Variants in PRKCZ observed in about 807,000 individuals in gnomAD.
The protein encoded by PRKCZ is protein kinase C zeta type.
In PRKCZ, 33 loss-of-function variants were observed where a neutral mutation model predicts 79.5. The observed-to-expected ratio is 0.41, with a 90% CI of 0.31 to 0.55. The LOEUF (loss-of-function observed/expected upper bound fraction) is 0.55. Ranked by LOEUF, PRKCZ falls within the 20% of genes least tolerant of loss-of-function variation. PRKCZ has a pLI of 0.19. For missense variants in PRKCZ, 578 were observed against 813.5 expected (o/e 0.71, Z 3.52); for synonymous variants, 342 against 320.9 (o/e 1.07, Z -0.70).
intron 4 of PRKCZ, among the ~76,000 whole-genome samples, chr1:2,085,297 A>G (rs1481528151): frequency 1.3e-5 from 2 of 152,210 alleles, no homozygotes; most frequent in African/African-American, 4.8e-5. Context: ...AGCACACAGA[A>G]GGTCCCGGAG....
intron 10 of PRKCZ, among the ~76,000 whole-genome samples, chr1:2,166,973 G>T (rs576983781): frequency 6.0e-4 from 92 of 152,364 alleles, no homozygotes; most frequent in Non-Finnish European, 9.8e-4. Context: ...GCTCAGCCAT[G>T]GTCCCAGGCA....
chr1:2,092,602 T>G (rs917172946), intron 4 of PRKCZ, among the ~76,000 whole-genome samples: 5 of 152,090 alleles, frequency 3.3e-5, no homozygotes, highest in African/African-American at 1.2e-4. Context: ...TTGTTTAAGG[T>G]ATAAATTCAT....
At chr1:2,139,575 C>T (rs1676903618) in intron 5 of PRKCZ, among the ~76,000 whole-genome samples, 1 of 152,128 alleles carries the variant, frequency 6.6e-6, no homozygotes, top group South Asian at 2.1e-4. Context: ...GGCGACAGAG[C>T]AGGACTCTGT....
At chr1:2,113,433 G>C (rs181363506) in intron 4 of PRKCZ, among the ~76,000 whole-genome samples, 4 of 152,126 alleles carry the variant, frequency 2.6e-5, no homozygotes, top group Admixed American at 2.6e-4. Flanking sequence ...TTTTCTGCCC[G>C]AGTTCGCTCC....
chr1:2,179,745 G>A (rs1686174745), intron 16 of PRKCZ, among the ~76,000 whole-genome samples: 1 of 152,224 alleles, frequency 6.6e-6, no homozygotes, highest in African/African-American at 2.4e-5. Flanking sequence ...CGGGCCCAGG[G>A]CTGCTGGTGG....
intron 4 of PRKCZ, among the ~76,000 whole-genome samples, chr1:2,130,699 GC>G (rs1674785485): frequency 6.6e-6 from 1 of 151,660 alleles, no homozygotes; most frequent in South Asian, 2.1e-4. Flanking sequence ...CTTGGGTGAG[GC>G]CCACCTGCAT....
Position 2,151,064 on chromosome 1 carries a change from C to T in PRKCZ, c.876+86C>T, listed in dbSNP as rs1679805170. 3.5e-6 allele frequency: 5 copies of T among 1,442,686 alleles called. No individual in the cohort carries two copies. The Admixed American group carries it at 1.1e-4, about 32-fold the overall frequency. 89.4% of individuals were successfully genotyped at this position (1,442,686 alleles called of 1,614,324 possible). On this transcript the variant is annotated intron_variant, in intron 9 of 17. Coordinates refer to ENST00000378567, the MANE Select transcript of PRKCZ (RefSeq NM_002744.6). ...CGGGCTTTAGCGGAATTAATCCATG[C>T]ACGAGAGACCTAGCCTCACGTTGAC... is the stretch of plus-strand genomic sequence containing the variant.
chr1:2,084,042 GC>G (rs1664058935), intron 4 of PRKCZ, among the ~76,000 whole-genome samples: 1 of 152,160 alleles, frequency 6.6e-6, no homozygotes, highest in Non-Finnish European at 1.5e-5. Flanking sequence ...GACCAGCCTG[GC>G]CAATGTGATG....
chr1:2,133,659 C>T (rs1343274555), intron 4 of PRKCZ: 1 of 153,324 alleles, frequency 6.5e-6, no homozygotes, highest in African/African-American at 2.4e-5. Context: ...GGTTCCGCCC[C>T]CGGCTGCGCG....
In PRKCZ at chr1:2,149,318, C is replaced by T. The variant is rs1218896765; in HGVS notation, c.687+394C>T. ...CCATCCTGGCAAACCCTCTGAAGCC[C>T]TTTCATGTCCTTCCCCAACTTGAGC... On this transcript the variant is annotated intron_variant, in intron 8 of 17. Transcript: ENST00000378567. The surrounding 1 kb of genome is among the most constrained non-coding windows in gnomAD (Gnocchi z 4.1). 6.6e-6 allele frequency among the ~76,000 whole-genome samples: 1 copy of T among 152,238 alleles called. No individual in the cohort carries two copies. The highest frequency in any genetic ancestry group is 1.5e-5 in the Non-Finnish European group (1 of 68,032).
intron 4 of PRKCZ, among the ~76,000 whole-genome samples, chr1:2,104,130 C>CT (rs1383783764): frequency 6.6e-6 from 1 of 151,894 alleles, no homozygotes; most frequent in Non-Finnish European, 1.5e-5. Flanking sequence ...AGGAGACTGT[C>CT]TCGGTTTCCG....
rs1196241134 is a variant in PRKCZ at position 2,179,563 on chromosome 1, CCTG to C, written c.1575+4255_1575+4257del. On this transcript the variant is annotated intron_variant, in intron 16 of 17. Transcript: ENST00000378567. ...TGGTGAGTTAACAGCTGAGCCACCA[CCTG>C]CTGCCCAACCCCACGTGTCCCACAT... 5.9e-5 allele frequency among the ~76,000 whole-genome samples: 9 copies of C among 152,370 alleles called. No individual in the cohort carries two copies. In the Middle Eastern group the frequency reaches 0.01, roughly 173 times the overall value.
upstream of PRKCZ, chr1:2,049,461 G>GGC (rs1659468676): frequency 6.6e-6 from 1 of 152,442 alleles, no homozygotes; most frequent in South Asian, 2.1e-4. Context: ...GGAGGCGCCA[G>GGC]GCACGACCTG....
In PRKCZ at chr1:2,125,903, C is replaced by T. The variant is rs923660983; in HGVS notation, c.335-9359C>T. Among the ~76,000 whole-genome samples the T allele has an allele frequency of 6.6e-6, 1 of 152,174 alleles. No individual in the cohort carries two copies. The highest frequency in any genetic ancestry group is 2.4e-5 in the African/African-American group (1 of 41,446). On this transcript the variant is annotated intron_variant, in intron 4 of 17. Coordinates refer to ENST00000378567, the MANE Select transcript of PRKCZ (RefSeq NM_002744.6). The surrounding 1 kb of genome is among the most constrained non-coding windows in gnomAD (Gnocchi z 4.2). ...TCGCCAACATGCAGCACTTCCCTTC[C>T]TTTCCATGGAGCACGGTTCCTGTCC...
At chr1:2,064,989 G>A (rs140763042) in intron 4 of PRKCZ, among the ~76,000 whole-genome samples, 142 of 152,332 alleles carry the variant, frequency 9.3e-4, no homozygotes, top group African/African-American at 3.3e-3. Flanking sequence ...GAACTGAAGT[G>A]TGTTTCTGTT....
At chr1:2,084,179 G>A (rs958271457) in intron 4 of PRKCZ, among the ~76,000 whole-genome samples, 1 of 152,234 alleles carries the variant, frequency 6.6e-6, no homozygotes, top group Admixed American at 6.5e-5. Flanking sequence ...GGCGGAGGTT[G>A]CGGTGAGCCA....
At position 2,082,378 on chromosome 1, in the gene PRKCZ, G is replaced by A. The variant is rs973786227; in HGVS notation, c.334+22787G>A. On this transcript the variant is annotated intron_variant, in intron 4 of 17. Coordinates refer to ENST00000378567, the MANE Select transcript of PRKCZ (RefSeq NM_002744.6). This position sits in a 1 kb window ranked among gnomAD's most constrained non-coding sequence, Gnocchi z 4.4. ...CGGCTACCCGGCTGCCGTAGACAGAGTGAAGTCTGGTAGTTTGTGTTTATT... is the reference window on the plus strand; with the variant it reads ...CGGCTACCCGGCTGCCGTAGACAGAATGAAGTCTGGTAGTTTGTGTTTATT... The A allele has an allele frequency of 6.6e-6, 3 of 456,234 alleles. No homozygotes were observed. The highest frequency in any genetic ancestry group is 6.0e-5 in the African/African-American group (3 of 50,098). The allele number at this position is 456,234 out of a possible 1,614,324, so 28.3% of individuals were successfully genotyped here.
rs544844939 is a variant in PRKCZ at position 2,174,148 on chromosome 1, C to T, written c.1405+132C>T. 1,331 of 1,238,696 alleles carry T rather than the reference C, an allele frequency of 1.1e-3. 16 individuals are homozygous for T. The South Asian group carries it at 0.013, about 12-fold the overall frequency. 76.7% of individuals were successfully genotyped at this position (1,238,696 alleles called of 1,614,324 possible). ...ATGCAAAGCGTACCGGGAACCATTC[C>T]TCCTGGCCAGACCCTGTGTCACATG... On this transcript the variant is annotated intron_variant, in intron 14 of 17. Coordinates refer to ENST00000378567, the MANE Select transcript of PRKCZ (RefSeq NM_002744.6). The surrounding 1 kb of genome is among the most constrained non-coding windows in gnomAD (Gnocchi z 6.2).
intron 5 of PRKCZ, among the ~76,000 whole-genome samples, chr1:2,136,570 A>T (rs1676246072): frequency 6.6e-6 from 1 of 152,062 alleles, no homozygotes; most frequent in Non-Finnish European, 1.5e-5. Context: ...CCTGAGGACG[A>T]GGTTGGGGAC....
Sources: gnomAD v4.1 joint callset for allele counts (sites outside exome capture counted in the v4.1 genomes callset) on GRCh38, gnomAD v4.1.1 for gene constraint, Gnocchi (gnomAD v3.1) non-coding constraint, MANE v1.5 for transcripts, NCBI Gene and HGNC (gene_info 2026-07-23, HGNC 2026-07-21) for gene names.